The following BMP7 variants were observed in gnomAD, a reference collection of about 807,000 sequenced individuals.
BMP7 encodes the protein bone morphogenetic protein 7.
Under a neutral mutation model 41.2 loss-of-function variants are expected in BMP7, and 12 were observed. The observed-to-expected ratio is 0.29, with a 90% CI of 0.19 to 0.47. The LOEUF is 0.47. Among genes scored for constraint, BMP7 ranks in the 20% least tolerant of loss-of-function variants. The pLI is 0.99. For missense variants in BMP7, 467 were observed against 606.0 expected, an observed-to-expected ratio of 0.77 and a Z score of 2.41; for synonymous variants, 248 against 250.0, an observed-to-expected ratio of 0.99 and a Z score of 0.07.
Position 57,259,845 on chromosome 20 carries a change from G to A in BMP7, c.418+5860C>T, listed in dbSNP as rs1477152735. On this transcript the variant is annotated intron_variant, in intron 1 of 6. Transcript: ENST00000395863. The surrounding 1 kb of genome is among the most constrained non-coding windows in gnomAD (Gnocchi z 4.7). The stretch of plus-strand genomic sequence containing the variant: ...CCCTGGCATTGCTATTTCAGTTTGA[G>A]TTTGAGCAATTTTTTTTTTGCCGGG... Among the ~76,000 whole-genome samples, 1 of 151,938 alleles carries A rather than the reference G, an allele frequency of 6.6e-6. No homozygotes were observed. The highest frequency in any genetic ancestry group is 2.4e-5 in the African/African-American group (1 of 41,402).
intron 3 of BMP7, among the ~76,000 whole-genome samples, chr20:57,201,531 T>C (rs1984619414): frequency 6.6e-6 from 1 of 152,220 alleles, no homozygotes. Flanking sequence ...ACAGCAGTTG[T>C]CCCTGGGAAG....
Position 57,264,710 on chromosome 20 carries a change from G to C in BMP7, c.418+995C>G, listed in dbSNP as rs984489439. ...TGCTGAAAATAGATTCTGCCGGCCC[G>C]GGACCTACCACTAAATACTTAAAAT... On this transcript the variant is annotated intron_variant, in intron 1 of 6. Coordinates refer to ENST00000395863, the MANE Select transcript of BMP7 (RefSeq NM_001719.3). Among the ~76,000 whole-genome samples the C allele has an allele frequency of 3.3e-5, 5 of 152,276 alleles. No individual in the cohort carries two copies. The East Asian group carries it at 5.8e-4, about 18-fold the overall frequency.
chr20:57,254,017 C>CTTTTTTTTTTTTTTTTTTTTTTTT (rs35180643), intron 1 of BMP7, among the ~76,000 whole-genome samples: 1 of 71,532 alleles, frequency 1.4e-5, no homozygotes, highest in Non-Finnish European at 2.4e-5. Context: ...GGTTTCTTTC[C>CTTTTTTTTTTTTTTTTTTTTTTTT]TTTTTTTTTT....
intron 2 of BMP7, among the ~76,000 whole-genome samples, chr20:57,208,816 G>A (rs907712799): frequency 1.8e-4 from 27 of 152,180 alleles, no homozygotes; most frequent in African/African-American, 6.5e-4. Context: ...CTAAGAAAAA[G>A]CAGTCAGACT....
intron 2 of BMP7, among the ~76,000 whole-genome samples, chr20:57,217,918 T>TGTGGATCTGTCTGTGTTTCC (rs1289696765): frequency 1.3e-5 from 2 of 152,266 alleles, no homozygotes; most frequent in African/African-American, 4.8e-5. Flanking sequence ...TCTGTGTTTC[T>TGTGGATCTGTCTGTGTTTCC]GTGGATCTGT....
intron 1 of BMP7, among the ~76,000 whole-genome samples, chr20:57,264,044 T>C (rs930445236): frequency 9.9e-5 from 15 of 152,252 alleles, no homozygotes; most frequent in African/African-American, 3.6e-4. Context: ...TCAGGTCATA[T>C]GTTGCTGCTT....
At chr20:57,253,286 ATG>A (rs2066121541) in intron 1 of BMP7, among the ~76,000 whole-genome samples, 1 of 152,192 alleles carries the variant, frequency 6.6e-6, no homozygotes, top group African/African-American at 2.4e-5. Context: ...CTCTCAAGAA[ATG>A]TTAGGTCAAG....
intron 1 of BMP7, among the ~76,000 whole-genome samples, chr20:57,253,081 T>C (rs1252048146): frequency 2.0e-5 from 3 of 151,986 alleles, no homozygotes; most frequent in Admixed American, 6.6e-5. Flanking sequence ...GATTTCTGGG[T>C]CCCCCACCCC....
At chr20:57,209,240 T>TAC in intron 2 of BMP7, among the ~76,000 whole-genome samples, 1 of 68,934 alleles carries the variant, frequency 1.5e-5, no homozygotes, top group East Asian at 3.5e-4. Context: ...TACCTAGATT[T>TAC]ATATATTTTT....
At chr20:57,245,774 G>T (rs951693061) in intron 1 of BMP7, among the ~76,000 whole-genome samples, 1 of 151,580 alleles carries the variant, frequency 6.6e-6, no homozygotes, top group Admixed American at 6.6e-5. Flanking sequence ...GAGTATCTGC[G>T]ATTACAGGCG....
chr20:57,207,849 G>A (rs1362543653), intron 2 of BMP7, among the ~76,000 whole-genome samples: 2 of 117,228 alleles, frequency 1.7e-5, no homozygotes, highest in African/African-American at 6.9e-5. Flanking sequence ...TTGAGACGGA[G>A]TCTCGCTCTG....
chr20:57,228,462 T>C lies in BMP7; in HGVS notation c.419-41A>G. 1 of 1,604,696 alleles carries C rather than the reference T, an allele frequency of 6.2e-7. No individual in the cohort carries two copies. Among genetic ancestry groups the C allele is most frequent in the Non-Finnish European group, 8.5e-7 (1 of 1,171,460 alleles). ...AACACACACCAACACCGACAGCTCA[T>C]TAGTGTCTGGGTTTCACTCTCTGGC... is the stretch of plus-strand genomic sequence containing the variant. On this transcript the variant is annotated intron_variant, in intron 1 of 6. Transcript: ENST00000395863. This position sits in a 1 kb window ranked among gnomAD's most constrained non-coding sequence, Gnocchi z 4.5.
chr20:57,180,904 A>G (rs1000085941), intron 4 of BMP7, among the ~76,000 whole-genome samples: 4 of 152,176 alleles, frequency 2.6e-5, no homozygotes, highest in East Asian at 1.9e-4. Flanking sequence ...AAATGAACAT[A>G]AATTTCAAGC....
intron 4 of BMP7, among the ~76,000 whole-genome samples, chr20:57,182,048 G>C (rs559692239): frequency 6.6e-6 from 1 of 152,344 alleles, no homozygotes; most frequent in African/African-American, 2.4e-5. Flanking sequence ...AGCTCCCCTG[G>C]CCGGCGGGAT....
chr20:57,202,701 G>A, intron 2 of BMP7, 78 bp from the exon 3 acceptor site: 1 of 703,896 alleles, frequency 1.4e-6, no homozygotes, highest in East Asian at 4.8e-5. Context: ...GGGAAGCAGA[G>A]CCTCATGGGG....
intron 2 of BMP7, among the ~76,000 whole-genome samples, chr20:57,225,383 C>T (rs1233350058): frequency 6.6e-6 from 1 of 152,160 alleles, no homozygotes; most frequent in Admixed American, 6.5e-5. Context: ...CTAAAGAGGT[C>T]TTGCTCCACT....
At chr20:57,210,420 C>A (rs779834274) in intron 2 of BMP7, among the ~76,000 whole-genome samples, 1 of 152,202 alleles carries the variant, frequency 6.6e-6, no homozygotes, top group African/African-American at 2.4e-5. Context: ...AAATCTCAAA[C>A]GTGGGAAGGC....
intron 1 of BMP7, among the ~76,000 whole-genome samples, chr20:57,237,648 A>G (rs1229541229): frequency 6.6e-6 from 1 of 152,272 alleles, no homozygotes; most frequent in African/African-American, 2.4e-5. Context: ...TCTTAATAAC[A>G]TGAGCAGCCT....
At chr20:57,219,218 G>A (rs1600629927) in intron 2 of BMP7, among the ~76,000 whole-genome samples, 1 of 144,082 alleles carries the variant, frequency 6.9e-6, no homozygotes, top group East Asian at 1.9e-4. Context: ...TTCGGTGGTA[G>A]GTGGTGTTTG....
Sources: gnomAD v4.1 joint callset for allele counts (sites outside exome capture counted in the v4.1 genomes callset) on GRCh38, gnomAD v4.1.1 for gene constraint, Gnocchi (gnomAD v3.1) non-coding constraint, MANE v1.5 for transcripts, NCBI Gene and HGNC (gene_info 2026-07-23, HGNC 2026-07-21) for gene names.